Variants in MKNK1 observed in about 807,000 individuals in gnomAD.
MKNK1 encodes MAP kinase-interacting serine/threonine-protein kinase 1.
MKNK1 carries 30 observed loss-of-function variants against 49.3 expected under a neutral mutation model. That is an observed-to-expected ratio of 0.61 (90% CI 0.46 to 0.83). The LOEUF (loss-of-function observed/expected upper bound fraction) is 0.83, where lower values mean the gene tolerates loss of function less well. Among genes scored for constraint, MKNK1 ranks in the 40% least tolerant of loss-of-function variants. MKNK1 has a pLI of 0.00. For missense variants in MKNK1, 423 were observed against 524.7 expected, an observed-to-expected ratio of 0.81 and a Z score of 1.89; for synonymous variants, 176 against 201.7, an observed-to-expected ratio of 0.87 and a Z score of 1.08.
chr1:46,558,981 G>A (rs1667448400), intron 12 of MKNK1, among the ~76,000 whole-genome samples, 181 bp from the exon 13 acceptor site: 2 of 152,156 alleles, frequency 1.3e-5, no homozygotes, highest in Admixed American at 1.3e-4. Context: ...TTGACTGAGG[G>A]ATTTTAATTT....
At chr1:46,571,515 C>G (rs772956395) in intron 7 of MKNK1, 1 of 433,574 alleles carries the variant, frequency 2.3e-6, no homozygotes, top group South Asian at 1.6e-5. Flanking sequence ...AGCACTCCAG[C>G]CTAGGTGACA....
chr1:46,569,053 C>G (rs370444249), intron 7 of MKNK1: 1 of 152,474 alleles, frequency 6.6e-6, no homozygotes, highest in Non-Finnish European at 1.5e-5. Flanking sequence ...GCCCTGCCAG[C>G]AGCAGAGCAA....
Position 46,576,642 on chromosome 1 carries a change from G to T in MKNK1, c.211C>A (p.Gln71Lys). The T allele has an allele frequency of 6.2e-7, 1 of 1,614,118 alleles. No individual in the cohort carries two copies. Among genetic ancestry groups the T allele is most frequent in the Non-Finnish European group, 8.5e-7 (1 of 1,179,978 alleles). ...ACCCTACTCCGACTGTGCCCTGCTT[G>T]TTTCTCGATGATCTGTGGGAAGAAT... ...KEYAVKIIEK[Q>K]AGHSRSRVFR... The change falls in exon 5 of 13, where the codon CAA becomes AAA. Residue 71 changes from glutamine to lysine, a missense_variant. Physicochemically the swap from Gln to Lys is moderately conservative, Grantham distance 53. Coordinates refer to ENST00000371945, the MANE Select transcript of MKNK1 (RefSeq NM_001135553.4).
chr1:46,577,769 T>C (rs1414053732), intron 4 of MKNK1, among the ~76,000 whole-genome samples: 2 of 151,782 alleles, frequency 1.3e-5, no homozygotes, highest in East Asian at 1.9e-4. Flanking sequence ...GATGGGAGGG[T>C]GGTTTCCAAA....
At chr1:46,581,355 C>T (rs1487294890) in intron 3 of MKNK1, among the ~76,000 whole-genome samples, 1 of 151,740 alleles carries the variant, frequency 6.6e-6, no homozygotes, top group African/African-American at 2.4e-5. Flanking sequence ...ACTAAAAATA[C>T]AAAAATTAGC....
Position 46,566,427 on chromosome 1 carries a change from CT to C in MKNK1, c.514-1292del, listed in dbSNP as rs35236912. ...TGATGACCACTTGAGTTGTCTCTAC[CT>C]TTTTGGCTGTTGTGAACAATGCTGT... On this transcript the variant is annotated intron_variant, in intron 8 of 12. Coordinates refer to ENST00000371945, the MANE Select transcript of MKNK1 (RefSeq NM_001135553.4). 3.9e-5 allele frequency among the ~76,000 whole-genome samples: 6 copies of C among 152,274 alleles called. No homozygotes were observed. In the South Asian group the frequency reaches 1.0e-3, roughly 26 times the overall value.
In MKNK1 at chr1:46,587,110, A is replaced by G. The variant is rs548873454; in HGVS notation, c.-2-3781T>C. Among the ~76,000 whole-genome samples, 4 of 152,344 alleles carry G rather than the reference A, an allele frequency of 2.6e-5. No homozygotes were observed. In the East Asian group the frequency reaches 7.7e-4, roughly 29 times the overall value. The stretch of plus-strand genomic sequence containing the variant: ...CAGACGTGAACCACTGCGCCCAGCC[A>G]GGTCCTTCACTTTCTAAACAGAAGC... On this transcript the variant is annotated intron_variant, in intron 2 of 12. Transcript: ENST00000371945.
chr1:46,588,579 G>A (rs756630586), intron 2 of MKNK1, among the ~76,000 whole-genome samples: 50 of 151,980 alleles, frequency 3.3e-4, no homozygotes, highest in Non-Finnish European at 6.8e-4. Flanking sequence ...AGGCCGAGGC[G>A]GGCGGATCAC....
chr1:46,577,122 C>T (rs1291464807), intron 4 of MKNK1, among the ~76,000 whole-genome samples: 1 of 152,192 alleles, frequency 6.6e-6, no homozygotes, highest in Non-Finnish European at 1.5e-5. Flanking sequence ...CTCCACGATC[C>T]CCCTGGCAGA....
At chr1:46,569,229 G>A (rs1371733583) in intron 7 of MKNK1, 1 of 152,320 alleles carries the variant, frequency 6.6e-6, no homozygotes, top group African/African-American at 2.4e-5. Context: ...GGCCCACTGA[G>A]GGTTGCTGTT....
At chr1:46,560,089 G>T in intron 12 of MKNK1, 145 bp downstream of exon 12, 1 of 891,578 alleles carries the variant, frequency 1.1e-6, no homozygotes, top group Non-Finnish European at 1.8e-6. Context: ...CAGAGTAGAG[G>T]AAAAGAGAGT....
intron 2 of MKNK1, among the ~76,000 whole-genome samples, chr1:46,592,092 T>G (rs1673419461): frequency 6.6e-6 from 1 of 152,010 alleles, no homozygotes; most frequent in Non-Finnish European, 1.5e-5. Context: ...ATACAAAAAT[T>G]AGCTGGTTGT....
At chr1:46,570,470 G>A (rs573265803) in intron 7 of MKNK1, among the ~76,000 whole-genome samples, 30 of 152,242 alleles carry the variant, frequency 2.0e-4, no homozygotes, top group Non-Finnish European at 4.3e-4. Context: ...CATGGGCACT[G>A]TCAGTATGCA....
Position 46,561,634 on chromosome 1 carries a change from C to T in MKNK1, c.813G>A (p.Leu271=), listed in dbSNP as rs1667993480. 1.2e-6 allele frequency: 2 copies of T among 1,613,928 alleles called. No homozygotes were observed. The highest frequency in any genetic ancestry group is 1.7e-6 in the Non-Finnish European group (2 of 1,179,936). ...GEVCRVCQNK[L]FESIQEGKYE... ...ACTTGCCTTCCTGGATGCTTTCAAA[C>T]AGCTTGTTCTAGGTACAAAAGATTC... Residue 271 remains leucine (L), a synonymous_variant, in exon 11 of 13, where the codon CTG becomes CTA. Transcript: ENST00000371945.
At chr1:46,592,985 G>C (rs573810766) in intron 2 of MKNK1, among the ~76,000 whole-genome samples, 4 of 152,112 alleles carry the variant, frequency 2.6e-5, no homozygotes, top group Non-Finnish European at 4.4e-5. Context: ...AGATGAAGAA[G>C]GGTGACACAC....
At chr1:46,564,463 A>ATTTTTTTT (rs1668654415) in intron 9 of MKNK1, among the ~76,000 whole-genome samples, 1 of 40,220 alleles carries the variant, frequency 2.5e-5, no homozygotes. Flanking sequence ...TGTTTTTTTT[A>ATTTTTTTT]TTGTTTTTTT....
chr1:46,591,769 T>C (rs1371533192), intron 2 of MKNK1, among the ~76,000 whole-genome samples: 1 of 152,194 alleles, frequency 6.6e-6, no homozygotes, highest in East Asian at 1.9e-4. Flanking sequence ...GGATCCCACA[T>C]GTGCTTTTCC....
chr1:46,571,514 G>T, intron 7 of MKNK1: 2 of 435,318 alleles, frequency 4.6e-6, no homozygotes, highest in Admixed American at 2.7e-5. Flanking sequence ...TAGCACTCCA[G>T]CCTAGGTGAC....
chr1:46,602,099 C>G (rs942847963), intron 1 of MKNK1, among the ~76,000 whole-genome samples: 4 of 152,064 alleles, frequency 2.6e-5, no homozygotes, highest in African/African-American at 9.7e-5. Flanking sequence ...CGAGCAGGAA[C>G]ATGCAGGGAG....
Sources: gnomAD v4.1 joint callset for allele counts (sites outside exome capture counted in the v4.1 genomes callset) on GRCh38, gnomAD v4.1.1 for gene constraint, MANE v1.5 for transcripts, NCBI Gene and HGNC (gene_info 2026-07-23, HGNC 2026-07-21) for gene names.